ANGPTL1: variants seen among roughly 807,000 people sequenced by gnomAD.
ANGPTL1 encodes angiopoietin like 1, also known as angiopoietin-related protein 1.
A neutral mutation model predicts 46.7 loss-of-function variants in ANGPTL1; 36 were observed. The ratio of observed to expected loss-of-function variants is 0.77; its 90% CI spans 0.59 to 1.02. The LOEUF is 1.02. Ranked by LOEUF, ANGPTL1 falls within the 50% of genes least tolerant of loss-of-function variation. ANGPTL1 has a pLI of 0.00. For missense variants in ANGPTL1, 571 were observed against 594.7 expected (o/e 0.96, Z 0.41); for synonymous variants, 221 against 204.3 (o/e 1.08, Z -0.69).
chr1:178,865,050 G>T lies in ANGPTL1; in HGVS notation c.727C>A (p.Pro243Thr), dbSNP rs1341635388. Residue 243 changes from proline (P) to threonine (T), a missense_variant, in exon 3 of 6, where the codon CCA (proline) becomes ACA (threonine). Physicochemically the swap from Pro to Thr is conservative, Grantham distance 38. Coordinates refer to ENST00000234816, the MANE Select transcript of ANGPTL1 (RefSeq NM_004673.4). ...GGCATTAAATCTCTGGGATAACCTG[G>T]ATCCCTCTGAATCTCGTTACCTCCC... ...LLGGNEIQRD[P>T]GYPRDLMPPP... is the part of the protein sequence containing the mutation. 10 of 1,508,058 alleles carry T rather than the reference G, an allele frequency of 6.6e-6. No individual in the cohort carries two copies. Among genetic ancestry groups the T allele is most frequent in the Middle Eastern group, 1.8e-4 (1 of 5,564 alleles). The allele number at this position is 1,508,058 out of a possible 1,614,324, so 93.4% of individuals were successfully genotyped here.
chr1:178,851,326 A>C lies in ANGPTL1; in HGVS notation c.1289-10T>G. ...AAGTGGGCGCAGTTTCCTTTGAGGA[A>C]AAAATACAGATATAAATGTAAAAGT... is the stretch of plus-strand genomic sequence containing the variant. On this transcript the variant is annotated splice_polypyrimidine_tract_variant and intron_variant, in intron 5 of 5. Coordinates refer to ENST00000234816, the MANE Select transcript of ANGPTL1 (RefSeq NM_004673.4). 6.2e-7 allele frequency: 1 copy of C among 1,600,284 alleles called. No individual in the cohort carries two copies. Among genetic ancestry groups the C allele is most frequent in the Non-Finnish European group, 8.5e-7 (1 of 1,174,516 alleles).
At chr1:178,853,559 G>A (rs764481679) in intron 4 of ANGPTL1, 35 bp downstream of exon 4, 1 of 1,467,944 alleles carries the variant, frequency 6.8e-7, no homozygotes, top group East Asian at 2.5e-5. Context: ...GAATGGATTT[G>A]TTTTACTTCC....
chr1:178,855,661 A>G (rs374743634), intron 3 of ANGPTL1, among the ~76,000 whole-genome samples: 2 of 151,754 alleles, frequency 1.3e-5, no homozygotes, highest in African/African-American at 4.8e-5. Flanking sequence ...GAGATGCCCT[A>G]TCTTTGCATT....
At chr1:178,867,407 T>C (rs1391662098) in intron 2 of ANGPTL1, among the ~76,000 whole-genome samples, 1 of 152,070 alleles carries the variant, frequency 6.6e-6, no homozygotes, top group Non-Finnish European at 1.5e-5. Context: ...ATCCCCTGTA[T>C]TTATGTAGCT....
chr1:178,865,322 G>A lies in ANGPTL1; in HGVS notation c.455C>T (p.Ser152Phe), dbSNP rs1264819792. The change falls in exon 3 of 6, where the codon TCC becomes TTC. Residue 152 changes from serine to phenylalanine, a missense_variant. Ser to Phe is a radical substitution (Grantham distance 155). Transcript: ENST00000234816. Reference protein sequence around the residue: ...IRKRDNSLELSQLENKILNVT... With the variant: ...IRKRDNSLELFQLENKILNVT... ...ATTGAGGATTTTGTTTTCCAGTTGGGAAAGTTCAAGTGAATTATCCCTCTT... is the reference window on the plus strand; with the variant it reads ...ATTGAGGATTTTGTTTTCCAGTTGGAAAAGTTCAAGTGAATTATCCCTCTT... 2.5e-6 allele frequency: 4 copies of A among 1,613,880 alleles called. No homozygotes were observed. The highest frequency in any genetic ancestry group is 3.4e-6 in the Non-Finnish European group (4 of 1,179,956).
intron 3 of ANGPTL1, among the ~76,000 whole-genome samples, chr1:178,856,198 GAGAGATATATATATATAT>G (rs1242582316): frequency 0.089 from 4,196 of 47,266 alleles, 364 homozygotes; most frequent in African/African-American, 0.24. Flanking sequence ...TCCAGAGAGA[GAGAGATATATATATATAT>G]ATATATATAT....
Position 178,851,064 on chromosome 1 carries a change from A to T in ANGPTL1, c.*65T>A. On this transcript the variant is annotated 3_prime_UTR_variant, in exon 6 of 6. Coordinates refer to ENST00000234816, the MANE Select transcript of ANGPTL1 (RefSeq NM_004673.4). ...TTGTGCCAAGTAATATACATGTAAC[A>T]TTTACATTTTTAAGAGCTGAAAAGT... is the stretch of plus-strand genomic sequence containing the variant. The T allele has an allele frequency of 6.9e-7, 1 of 1,457,936 alleles. No homozygotes were observed. The highest frequency in any genetic ancestry group is 1.4e-5 in the South Asian group (1 of 69,052). The allele number at this position is 1,457,936 out of a possible 1,614,324, so 90.3% of individuals were successfully genotyped here.
chr1:178,854,135 A>G (rs554036037), intron 3 of ANGPTL1, among the ~76,000 whole-genome samples: 10 of 152,148 alleles, frequency 6.6e-5, no homozygotes, highest in African/African-American at 2.4e-4. Flanking sequence ...TTATCCTTCT[A>G]TCATTGGACA....
At chr1:178,856,200 G>GATATATATATATATAT (rs1348083361) in intron 3 of ANGPTL1, among the ~76,000 whole-genome samples, 15 of 40,934 alleles carry the variant, frequency 3.7e-4, no homozygotes, top group African/African-American at 1.1e-3. Context: ...CAGAGAGAGA[G>GATATATATATATATAT]AGATATATAT....
chr1:178,850,724 GC>G lies in ANGPTL1; in HGVS notation c.*404del, dbSNP rs1296048334. On this transcript the variant is annotated 3_prime_UTR_variant, in exon 6 of 6. Transcript: ENST00000234816. ...CTGTCTGTATTTTTATAAATAAAAT[GC>G]ATTATTTGGCTGAAATTTTAAAAAT... 2 of 153,294 alleles carry G rather than the reference GC, an allele frequency of 1.3e-5. No individual in the cohort carries two copies. The highest frequency in any genetic ancestry group is 4.8e-5 in the African/African-American group (2 of 41,466). 9.5% of individuals were successfully genotyped at this position (153,294 alleles called of 1,614,324 possible).
intron 3 of ANGPTL1, 95 bp downstream of exon 3, chr1:178,864,859 C>T (rs1176705275): frequency 1.5e-5 from 13 of 846,688 alleles, no homozygotes; most frequent in East Asian, 1.5e-4. Context: ...TATATAACAT[C>T]GCAAAATGAA....
rs1414858504 is a variant in ANGPTL1, at chr1:178,865,533, T to C, written c.244A>G (p.Arg82Gly). ...DASTIKDMIT[R>G]MDLENLKDVL... Reference sequence around the variant, plus strand: ...TCCTTCAGGTTTTCAAGGTCCATCCTGGTGATCATGTCTTTAATGGTACTT... The same window carrying C: ...TCCTTCAGGTTTTCAAGGTCCATCCCGGTGATCATGTCTTTAATGGTACTT... The change falls in exon 3 of 6, where the codon AGG (arginine) becomes GGG (glycine). Residue 82 changes from arginine to glycine, a missense_variant. Coordinates refer to ENST00000234816, the MANE Select transcript of ANGPTL1 (RefSeq NM_004673.4). 2.5e-6 allele frequency: 4 copies of C among 1,614,158 alleles called. No homozygotes were observed. The South Asian group carries it at 3.3e-5, about 13-fold the overall frequency.
At chr1:178,853,506 G>T (rs1040998971) in intron 4 of ANGPTL1, 88 bp downstream of exon 4, 17 of 1,075,152 alleles carry the variant, frequency 1.6e-5, no homozygotes, top group Non-Finnish European at 2.1e-5. Context: ...TTAACTGTGT[G>T]TCTTATTTAT....
At chr1:178,851,593 A>G (rs566677468) in intron 5 of ANGPTL1, among the ~76,000 whole-genome samples, 2 of 152,288 alleles carry the variant, frequency 1.3e-5, no homozygotes, top group East Asian at 3.9e-4. Flanking sequence ...AGATGCAAGC[A>G]GTGTTTATAT....
At chr1:178,867,549 A>G (rs1382767031) in intron 2 of ANGPTL1, among the ~76,000 whole-genome samples, 2 of 152,120 alleles carry the variant, frequency 1.3e-5, no homozygotes, top group Non-Finnish European at 2.9e-5. Flanking sequence ...TTCTAGACCT[A>G]TGATTTTTAC....
At chr1:178,853,904 T>TG in intron 3 of ANGPTL1, 117 bp from the exon 4 acceptor site, 1 of 609,486 alleles carries the variant, frequency 1.6e-6, no homozygotes, top group Non-Finnish European at 2.6e-6. Flanking sequence ...TTGTTTATCA[T>TG]ATATACAATA....
In ANGPTL1 at chr1:178,853,588, AT is replaced by A; in HGVS notation, c.1017+5del. 1 of 1,589,582 alleles carries A rather than the reference AT, an allele frequency of 6.3e-7. No individual in the cohort carries two copies. The highest frequency in any genetic ancestry group is 1.2e-5 in the South Asian group (1 of 86,608). On this transcript the variant is annotated splice_donor_5th_base_variant and intron_variant, in intron 4 of 5. Transcript: ENST00000234816. ...TACTTCCCTTAGGTCTGCATCACTG[AT>A]TTACCTTATAATTTTCCCAATTTCT...
intron 5 of ANGPTL1, among the ~76,000 whole-genome samples, chr1:178,852,468 T>C (rs73039835): frequency 0.052 from 7,956 of 152,212 alleles, 725 homozygotes; most frequent in African/African-American, 0.18. Flanking sequence ...TGTGTTTTTT[T>C]CCCAGAACTT....
At chr1:178,866,891 A>G (rs994091449) in intron 2 of ANGPTL1, among the ~76,000 whole-genome samples, 1 of 152,180 alleles carries the variant, frequency 6.6e-6, no homozygotes, top group Non-Finnish European at 1.5e-5. Flanking sequence ...TCAAGAGCCA[A>G]GACTTTTTCC....
Sources: gnomAD v4.1 joint callset for allele counts (sites outside exome capture counted in the v4.1 genomes callset) on GRCh38, gnomAD v4.1.1 for gene constraint, MANE v1.5 for transcripts, NCBI Gene and HGNC (gene_info 2026-07-23, HGNC 2026-07-21) for gene names.